RAB3GAP1: variants seen among roughly 807,000 people sequenced by gnomAD.
RAB3GAP1 encodes RAB3 GTPase activating protein catalytic subunit 1, also known as rab3 GTPase-activating protein catalytic subunit.
In RAB3GAP1, 86 loss-of-function variants were observed where a neutral mutation model predicts 130.7. The ratio of observed to expected loss-of-function variants is 0.66; its 90% CI spans 0.55 to 0.79. The LOEUF is 0.79. Among genes scored for constraint, RAB3GAP1 ranks in the 30% least tolerant of loss-of-function variants. The pLI, the probability that RAB3GAP1 is intolerant of heterozygous loss-of-function variation, is 0.00. For synonymous variants in RAB3GAP1, 367 were observed against 401.7 expected (o/e 0.91, Z 1.03); for missense variants, 1,029 against 1,169.4 (o/e 0.88, Z 1.75).
chr2:135,164,326 TAG>T (rs1692563982), intron 22 of RAB3GAP1, among the ~76,000 whole-genome samples: 1 of 152,194 alleles, frequency 6.6e-6, no homozygotes, highest in Non-Finnish European at 1.5e-5. Flanking sequence ...CTGAAAAAAA[TAG>T]ACTGAATATT....
At chr2:135,150,588 TA>T in intron 18 of RAB3GAP1, 82 bp downstream of exon 18, 1 of 1,562,734 alleles carries the variant, frequency 6.4e-7, no homozygotes. Flanking sequence ...TAAAGTGGTA[TA>T]AAGGCCTGAA....
chr2:135,165,809 A>T (rs1249626491), intron 23 of RAB3GAP1, among the ~76,000 whole-genome samples: 1 of 152,206 alleles, frequency 6.6e-6, no homozygotes, highest in Admixed American at 6.5e-5. Context: ...GAAGCTTACA[A>T]GCGCATTTCC....
chr2:135,151,938 T>C lies in RAB3GAP1; in HGVS notation c.2061+1432T>C, dbSNP rs534646988. 9.1e-4 allele frequency among the ~76,000 whole-genome samples: 138 copies of C among 152,354 alleles called. 1 individual carries two copies. The highest frequency in any genetic ancestry group is 3.0e-3 in the African/African-American group (124 of 41,578). ...ATACTACTCCTTCTTGGTAAAGTTC[T>C]ATATAGTTCCTCTAACACTGCACTT... On this transcript the variant is annotated intron_variant, in intron 18 of 23. Coordinates refer to ENST00000264158, the MANE Select transcript of RAB3GAP1 (RefSeq NM_012233.3).
chr2:135,108,660 G>T (rs557362262), intron 5 of RAB3GAP1, among the ~76,000 whole-genome samples: 25 of 152,098 alleles, frequency 1.6e-4, no homozygotes, highest in African/African-American at 4.8e-4. Flanking sequence ...TCTCTTGACA[G>T]TGTCTTTTGC....
intron 2 of RAB3GAP1, among the ~76,000 whole-genome samples, chr2:135,055,370 T>C (rs1688979899): frequency 6.6e-6 from 1 of 152,194 alleles, no homozygotes; most frequent in South Asian, 2.1e-4. Context: ...TCATTATTCA[T>C]ACAATAAGTA....
At chr2:135,081,255 C>T (rs1172989445) in intron 3 of RAB3GAP1, among the ~76,000 whole-genome samples, 12 of 132,660 alleles carry the variant, frequency 9.0e-5, no homozygotes, top group African/African-American at 2.9e-4. Context: ...TGCAGTGAGC[C>T]GAGATCGCGC....
At chr2:135,095,510 G>A (rs1690268154) in intron 5 of RAB3GAP1, among the ~76,000 whole-genome samples, 1 of 152,176 alleles carries the variant, frequency 6.6e-6, no homozygotes, top group Non-Finnish European at 1.5e-5. Flanking sequence ...ATATTGAAAT[G>A]AACTCAATAT....
At chr2:135,091,182 T>C in intron 4 of RAB3GAP1, 52 bp downstream of exon 4, 1 of 1,467,280 alleles carries the variant, frequency 6.8e-7, no homozygotes, top group Non-Finnish European at 9.4e-7. Context: ...GGAGTGGCTG[T>C]AATTTTGAAT....
chr2:135,103,468 G>A lies in RAB3GAP1; in HGVS notation c.363-9683G>A, dbSNP rs115460513. On this transcript the variant is annotated intron_variant, in intron 5 of 23. Coordinates refer to ENST00000264158, the MANE Select transcript of RAB3GAP1 (RefSeq NM_012233.3). ...AAAGTGTTTTCATTCTTCCAAAAGT[G>A]AATGTTAAGAGGACTTCTTGTAATG... Among the ~76,000 whole-genome samples the A allele has an allele frequency of 9.8e-3, 1,491 of 152,284 alleles. 23 individuals are homozygous for A. The highest frequency in any genetic ancestry group is 0.034 in the African/African-American group (1,422 of 41,546).
At chr2:135,121,528 A>G (rs970491467) in intron 8 of RAB3GAP1, among the ~76,000 whole-genome samples, 13 of 152,192 alleles carry the variant, frequency 8.5e-5, no homozygotes, top group Non-Finnish European at 1.5e-4. Flanking sequence ...TAAGTTCTAG[A>G]AAAGCTCAGT....
chr2:135,143,643 C>T (rs566234446), intron 17 of RAB3GAP1, among the ~76,000 whole-genome samples: 20 of 151,418 alleles, frequency 1.3e-4, no homozygotes, highest in African/African-American at 3.9e-4. Context: ...CTGCAAGCTC[C>T]GCTTCCCAGG....
chr2:135,139,186 T>C (rs1691766951), intron 17 of RAB3GAP1, among the ~76,000 whole-genome samples: 1 of 152,156 alleles, frequency 6.6e-6, no homozygotes, highest in Non-Finnish European at 1.5e-5. Context: ...CTGCTAGTCA[T>C]TTTAAAAACA....
In RAB3GAP1 at chr2:135,115,341, C is replaced by T. The variant is rs752215824; in HGVS notation, c.608C>T (p.Thr203Ile). Residue 203 changes from threonine to isoleucine, a missense_variant, in exon 7 of 24, where the codon ACT becomes ATT. Thr to Ile is a moderately conservative substitution (Grantham distance 89). This residue lies in a region of RAB3GAP1 where 510 missense variants were observed against 532.1 expected (regional missense o/e 0.96). Coordinates refer to ENST00000264158, the MANE Select transcript of RAB3GAP1 (RefSeq NM_012233.3). ...VHLRKVPNQYTHLSGLLDIFK... is the reference protein window; with the variant it reads ...VHLRKVPNQYIHLSGLLDIFK... Reference sequence around the variant, plus strand: ...CTTAGAAAAGTGCCAAATCAGTACACTCACTTATCAGGTCTGCTGGATATC... The same window carrying T: ...CTTAGAAAAGTGCCAAATCAGTACATTCACTTATCAGGTCTGCTGGATATC... 2 of 1,613,766 alleles carry T rather than the reference C, an allele frequency of 1.2e-6. No homozygotes were observed. Among genetic ancestry groups the T allele is most frequent in the Non-Finnish European group, 1.7e-6 (2 of 1,179,698 alleles).
intron 8 of RAB3GAP1, 132 bp downstream of exon 8, chr2:135,121,050 AAT>A: frequency 1.3e-6 from 1 of 763,340 alleles, no homozygotes; most frequent in South Asian, 1.5e-5. Flanking sequence ...TTTTAAATGT[AAT>A]ATTATTGCTT....
chr2:135,140,718 C>T (rs919475657), intron 17 of RAB3GAP1, among the ~76,000 whole-genome samples: 2 of 152,226 alleles, frequency 1.3e-5, no homozygotes, highest in African/African-American at 4.8e-5. Context: ...GCATCCTTTG[C>T]TTAGGCATAG....
At chr2:135,117,759 T>G (rs1021565371) in intron 7 of RAB3GAP1, among the ~76,000 whole-genome samples, 78 of 147,914 alleles carry the variant, frequency 5.3e-4, no homozygotes, top group East Asian at 2.4e-3. Flanking sequence ...TGCTTCTGCT[T>G]CTTCTGCTGC....
At chr2:135,087,093 G>T (rs1490039105) in intron 3 of RAB3GAP1, among the ~76,000 whole-genome samples, 5 of 152,068 alleles carry the variant, frequency 3.3e-5, no homozygotes, top group Non-Finnish European at 5.9e-5. Context: ...CCTATCCCAA[G>T]GTATTTGCAA....
intron 3 of RAB3GAP1, among the ~76,000 whole-genome samples, chr2:135,086,635 T>A (rs2104868119): frequency 6.6e-6 from 1 of 151,804 alleles, no homozygotes; most frequent in African/African-American, 2.4e-5. Flanking sequence ...ATTTTGTTTT[T>A]CCTGTAGTCC....
chr2:135,095,128 A>G (rs1167493627), intron 5 of RAB3GAP1, among the ~76,000 whole-genome samples: 1 of 151,966 alleles, frequency 6.6e-6, no homozygotes, highest in Non-Finnish European at 1.5e-5. Context: ...GGCTCACTGC[A>G]ACCTCTGCCT....
Sources: gnomAD v4.1 joint callset for allele counts (sites outside exome capture counted in the v4.1 genomes callset) on GRCh38, gnomAD v4.1.1 for gene constraint, gnomAD v4.1.1 regional missense constraint, MANE v1.5 for transcripts, NCBI Gene and HGNC (gene_info 2026-07-23, HGNC 2026-07-21) for gene names.